NOS1AP: variants seen among roughly 807,000 people sequenced by gnomAD.
NOS1AP encodes nitric oxide synthase 1 adaptor protein, also known as carboxyl-terminal PDZ ligand of neuronal nitric oxide synthase protein.
Under a neutral mutation model 56.2 loss-of-function variants are expected in NOS1AP, and 21 were observed. The ratio of observed to expected loss-of-function variants is 0.37; its 90% confidence interval spans 0.26 to 0.54. The LOEUF (loss-of-function observed/expected upper bound fraction) is 0.54. Ranked by LOEUF, NOS1AP falls within the 20% of genes least tolerant of loss-of-function variation. NOS1AP has a pLI of 0.84. For missense variants in NOS1AP, 522 were observed against 657.8 expected (o/e 0.79, Z 2.26); for synonymous variants, 270 against 274.6 (o/e 0.98, Z 0.17).
At chr1:162,227,583 C>T (rs916039726) in intron 2 of NOS1AP, among the ~76,000 whole-genome samples, 1 of 152,172 alleles carries the variant, frequency 6.6e-6, no homozygotes, top group Non-Finnish European at 1.5e-5. Flanking sequence ...GTAGCTCTCC[C>T]ATGGCCCAGG....
chr1:162,090,269 T>C (rs1035736552), intron 1 of NOS1AP, among the ~76,000 whole-genome samples: 1 of 152,106 alleles, frequency 6.6e-6, no homozygotes, highest in African/African-American at 2.4e-5. Flanking sequence ...TGTTATTCCA[T>C]CTACTTCTGG....
At chr1:162,228,777 T>C (rs1420544140) in intron 2 of NOS1AP, among the ~76,000 whole-genome samples, 1 of 152,210 alleles carries the variant, frequency 6.6e-6, no homozygotes, top group African/African-American at 2.4e-5. Flanking sequence ...ATTAACGCTA[T>C]CATTTTTCAA....
intron 1 of NOS1AP, among the ~76,000 whole-genome samples, chr1:162,081,755 G>GATAT (rs201239710): frequency 8.4e-5 from 6 of 71,610 alleles, no homozygotes; most frequent in South Asian, 3.4e-4. Context: ...TATATCTATA[G>GATAT]ATATATATAT....
chr1:162,106,091 T>C (rs1037214544), intron 1 of NOS1AP, among the ~76,000 whole-genome samples: 1 of 152,204 alleles, frequency 6.6e-6, no homozygotes, highest in Non-Finnish European at 1.5e-5. Context: ...CAGCTCTCTG[T>C]ATTGGACCCA....
At chr1:162,097,938 A>C (rs1692285163) in intron 1 of NOS1AP, among the ~76,000 whole-genome samples, 1 of 151,734 alleles carries the variant, frequency 6.6e-6, no homozygotes, top group Non-Finnish European at 1.5e-5. Context: ...TGAGATTTTT[A>C]ATCAGAATCA....
At chr1:162,261,509 AG>A (rs368912555) in intron 2 of NOS1AP, among the ~76,000 whole-genome samples, 390 of 15,152 alleles carry the variant, frequency 0.026, 144 homozygotes, top group African/African-American at 0.091. Context: ...AGAGAGAGAG[AG>A]AGAGAGAGAG....
At chr1:162,100,365 G>T (rs931664471) in intron 1 of NOS1AP, among the ~76,000 whole-genome samples, 1 of 152,184 alleles carries the variant, frequency 6.6e-6, no homozygotes, top group African/African-American at 2.4e-5. Context: ...GTTTCGATTT[G>T]CATTTCTCTG....
chr1:162,169,882 A>T (rs984799226), intron 2 of NOS1AP, among the ~76,000 whole-genome samples: 1 of 152,026 alleles, frequency 6.6e-6, no homozygotes, highest in East Asian at 1.9e-4. Flanking sequence ...ATTTCTTACA[A>T]TCTTCCCATT....
chr1:162,229,614 C>A (rs1453972048), intron 2 of NOS1AP, among the ~76,000 whole-genome samples: 3 of 152,112 alleles, frequency 2.0e-5, no homozygotes, highest in Admixed American at 1.3e-4. Context: ...TTCTCAACCA[C>A]CCTCTGTCCC....
intron 2 of NOS1AP, among the ~76,000 whole-genome samples, chr1:162,172,675 C>T (rs1182823215): frequency 6.6e-6 from 1 of 152,158 alleles, no homozygotes; most frequent in East Asian, 1.9e-4. Context: ...TATGTGCTTT[C>T]CCTTCTGTCA....
chr1:162,340,050 T>C (rs1021805548), intron 5 of NOS1AP, among the ~76,000 whole-genome samples: 9 of 152,208 alleles, frequency 5.9e-5, no homozygotes, highest in Non-Finnish European at 2.9e-5. Context: ...GAGTGGTAGA[T>C]AGGAAGGGCA....
chr1:162,320,768 C>A lies in NOS1AP; in HGVS notation c.345-12249C>A, dbSNP rs538111155. 5.9e-4 allele frequency among the ~76,000 whole-genome samples: 90 copies of A among 152,196 alleles called. 3 individuals carry two copies. The South Asian group carries it at 0.018, about 31-fold the overall frequency. ...ACTCGGGAGGCTGAGGCAGGAGAAT[C>A]GCTTGAACCAGGGAGGTGGAGGTTG... On this transcript the variant is annotated intron_variant, in intron 4 of 9. Transcript: ENST00000361897.
chr1:162,155,213 G>A (rs1649890479), intron 2 of NOS1AP, among the ~76,000 whole-genome samples: 1 of 147,454 alleles, frequency 6.8e-6, no homozygotes, highest in African/African-American at 2.5e-5. Context: ...TACACAGTGT[G>A]AAGCCTTTAT....
chr1:162,364,634 C>G, intron 8 of NOS1AP: 2 of 985,508 alleles, frequency 2.0e-6, no homozygotes, highest in Non-Finnish European at 2.4e-6. Context: ...AATTGTTCAC[C>G]TCAGCCCTTC....
intron 2 of NOS1AP, among the ~76,000 whole-genome samples, chr1:162,162,354 G>A (rs1650261170): frequency 6.6e-6 from 1 of 152,252 alleles, no homozygotes; most frequent in Non-Finnish European, 1.5e-5. Context: ...AGAGACGAAA[G>A]TAGCAGAAAA....
rs540569241 is a variant in NOS1AP at position 162,352,852 on chromosome 1, C to A, written c.596-2335C>A. Among the ~76,000 whole-genome samples, 5 of 152,298 alleles carry A rather than the reference C, an allele frequency of 3.3e-5. No homozygotes were observed. The East Asian group carries it at 9.7e-4, about 29-fold the overall frequency. ...ACACCAACATTCAGTCCATAACATA[C>A]CCAACAGCCTAATAGGTATCCCTAC... On this transcript the variant is annotated intron_variant, in intron 6 of 9. Coordinates refer to ENST00000361897, the MANE Select transcript of NOS1AP (RefSeq NM_014697.3).
intron 4 of NOS1AP, among the ~76,000 whole-genome samples, chr1:162,327,292 A>G (rs1656623069): frequency 6.6e-6 from 1 of 152,126 alleles, no homozygotes; most frequent in Non-Finnish European, 1.5e-5. Flanking sequence ...AAAGGAAGGT[A>G]TTCCTCACTA....
At chr1:162,210,872 C>T (rs1434754377) in intron 2 of NOS1AP, among the ~76,000 whole-genome samples, 3 of 152,220 alleles carry the variant, frequency 2.0e-5, no homozygotes, top group Non-Finnish European at 1.5e-5. Context: ...TATGGCCCAG[C>T]GACTGAACTG....
At chr1:162,155,456 TAG>T (rs1159295218) in intron 2 of NOS1AP, among the ~76,000 whole-genome samples, 26 of 141,278 alleles carry the variant, frequency 1.8e-4, no homozygotes, top group South Asian at 1.4e-3. Context: ...TATATATATA[TAG>T]AGAGAGAGAG....
Sources: gnomAD v4.1 joint callset for allele counts (sites outside exome capture counted in the v4.1 genomes callset) on GRCh38, gnomAD v4.1.1 for gene constraint, MANE v1.5 for transcripts, NCBI Gene and HGNC (gene_info 2026-07-23, HGNC 2026-07-21) for gene names.